The following LRBA variants were observed in gnomAD, a reference collection of about 807,000 sequenced individuals.
The protein encoded by LRBA is LPS responsive beige-like anchor protein.
A neutral mutation model predicts 330.0 loss-of-function variants in LRBA; 176 were observed. The observed-to-expected ratio is 0.53, with a 90% confidence interval of 0.47 to 0.60. LRBA has a LOEUF of 0.60. Among genes scored for constraint, LRBA ranks in the 20% least tolerant of loss-of-function variants. The probability of loss-of-function intolerance (pLI) is 0.00; values close to 1 mark genes in which losing one functional copy is unlikely to be tolerated. For synonymous variants in LRBA, 1,230 were observed against 1,193.0 expected, an observed-to-expected ratio of 1.03 and a Z score of -0.64; for missense variants, 3,259 against 3,444.8, an observed-to-expected ratio of 0.95 and a Z score of 1.35.
At chr4:150,930,669 T>C (rs540289123) in intron 2 of LRBA, among the ~76,000 whole-genome samples, 16 of 152,158 alleles carry the variant, frequency 1.1e-4, no homozygotes, top group Middle Eastern at 3.4e-3. Context: ...TACACAGGCA[T>C]GAGACTGAAA....
intron 2 of LRBA, among the ~76,000 whole-genome samples, chr4:150,994,971 G>A (rs562755963): frequency 1.3e-5 from 2 of 152,226 alleles, no homozygotes; most frequent in East Asian, 3.9e-4. Context: ...CTGGTGAGAA[G>A]GACATAAAGG....
At chr4:150,828,925 GTGTGTGTGTGTGTGT>G (rs1746718528) in intron 29 of LRBA, among the ~76,000 whole-genome samples, 2 of 107,968 alleles carry the variant, frequency 1.9e-5, no homozygotes, top group African/African-American at 5.2e-5. Flanking sequence ...TTTTGGGGGT[GTGTGTGTGTGTGTGT>G]GTGTGTGTGT....
rs1561234835 is a variant in LRBA, at chr4:150,479,637, T to C, written c.6552-7898A>G. ...GAGGTGGAGCTTAATTCCCCTCCCCTGGACTTTGGGCTGTATTTAGTGACC... is the reference window on the plus strand; with the variant it reads ...GAGGTGGAGCTTAATTCCCCTCCCCCGGACTTTGGGCTGTATTTAGTGACC... On this transcript the variant is annotated intron_variant, in intron 42 of 56. Coordinates refer to ENST00000651943, the MANE Select transcript of LRBA (RefSeq NM_001364905.1). Among the ~76,000 whole-genome samples, 3 of 152,308 alleles carry C rather than the reference T, an allele frequency of 2.0e-5. No homozygotes were observed. The South Asian group carries it at 6.2e-4, about 32-fold the overall frequency.
intron 53 of LRBA, among the ~76,000 whole-genome samples, chr4:150,296,747 T>A (rs535126731): frequency 2.2e-4 from 34 of 152,088 alleles, no homozygotes; most frequent in Non-Finnish European, 4.0e-4. Flanking sequence ...ATATCTAGAG[T>A]AAAATGTGAG....
intron 48 of LRBA, among the ~76,000 whole-genome samples, chr4:150,338,963 TTA>T (rs984807164): frequency 6.9e-5 from 3 of 43,422 alleles, no homozygotes; most frequent in Admixed American, 2.7e-4. Flanking sequence ...AACTATTTAA[TTA>T]TACACACACA....
At chr4:150,962,558 T>C (rs1401233282) in intron 2 of LRBA, among the ~76,000 whole-genome samples, 2 of 149,090 alleles carry the variant, frequency 1.3e-5, no homozygotes, top group Non-Finnish European at 2.9e-5. Flanking sequence ...CAGGAAAGCA[T>C]AGAACTTTAA....
intron 54 of LRBA, among the ~76,000 whole-genome samples, chr4:150,283,967 G>T (rs566844488): frequency 2.4e-4 from 37 of 152,274 alleles, no homozygotes; most frequent in African/African-American, 8.2e-4. Flanking sequence ...ATAAAGCCAT[G>T]TAACATTTCA....
chr4:150,715,183 GA>G (rs1047533703), intron 36 of LRBA, among the ~76,000 whole-genome samples: 4 of 152,024 alleles, frequency 2.6e-5, no homozygotes, highest in African/African-American at 9.7e-5. Context: ...ACCTCGTATT[GA>G]AAGACCTAAG....
At chr4:150,741,159 A>T (rs936008178) in intron 35 of LRBA, among the ~76,000 whole-genome samples, 6 of 152,164 alleles carry the variant, frequency 3.9e-5, no homozygotes, top group African/African-American at 4.8e-5. Flanking sequence ...AAAAATAGTG[A>T]CAAAATGAAC....
rs1176057136 is a variant in LRBA at position 150,601,122 on chromosome 4, T to C, written c.5922-1991A>G. On this transcript the variant is annotated intron_variant, in intron 37 of 56. Transcript: ENST00000651943. ...ACGATGTAAAGCTAATGAAAGCTGCTCAAATTTGTTAACCTTTTCTGCCAT... is the reference window on the plus strand; with the variant it reads ...ACGATGTAAAGCTAATGAAAGCTGCCCAAATTTGTTAACCTTTTCTGCCAT... Among the ~76,000 whole-genome samples the C allele has an allele frequency of 2.6e-5, 4 of 152,346 alleles. No individual in the cohort carries two copies. The South Asian group carries it at 8.3e-4, about 32-fold the overall frequency.
At chr4:150,982,011 T>G (rs908834022) in intron 2 of LRBA, among the ~76,000 whole-genome samples, 1 of 151,564 alleles carries the variant, frequency 6.6e-6, no homozygotes, top group Non-Finnish European at 1.5e-5. Flanking sequence ...ATAAATAATG[T>G]TTTCTGTTTC....
intron 47 of LRBA, among the ~76,000 whole-genome samples, chr4:150,391,214 C>G (rs1277009076): frequency 1.3e-5 from 2 of 152,106 alleles, no homozygotes; most frequent in Non-Finnish European, 2.9e-5. Context: ...AACAGCAAAC[C>G]CTGAATGATG....
chr4:150,315,574 G>C lies in LRBA; in HGVS notation c.7680C>G (p.Ile2560Met). The change falls in exon 51 of 57, where the codon ATC (isoleucine) becomes ATG (methionine). Residue 2560 changes from isoleucine (I) to methionine (M), a missense_variant. Transcript: ENST00000651943. ...GAAGTGACAGACCTATGAGAGGATC[G>C]ATTTCCACTGGCAGCTGGTATGGCT... Reference protein sequence around the residue: ...QDQPYQLPVEIDPLIASNTGM... With the variant: ...QDQPYQLPVEMDPLIASNTGM... 5.6e-6 allele frequency: 9 copies of C among 1,612,164 alleles called. 1 individual carries two copies. In the South Asian group the frequency reaches 9.9e-5, roughly 18 times the overall value.
intron 2 of LRBA, among the ~76,000 whole-genome samples, chr4:150,961,061 G>A (rs1561060787): frequency 6.7e-6 from 1 of 148,942 alleles, no homozygotes; most frequent in Non-Finnish European, 1.5e-5. Context: ...ACTGCATCCT[G>A]ATGGTGATGG....
chr4:150,577,753 G>C (rs1581722541), intron 40 of LRBA, among the ~76,000 whole-genome samples: 1 of 151,944 alleles, frequency 6.6e-6, no homozygotes, highest in Non-Finnish European at 1.5e-5. Flanking sequence ...TTTAAGTCTC[G>C]TTAACATGAT....
At chr4:151,004,977 C>T (rs141074509) in intron 2 of LRBA, among the ~76,000 whole-genome samples, 4 of 151,404 alleles carry the variant, frequency 2.6e-5, no homozygotes, top group African/African-American at 7.3e-5. Context: ...GGCGACAGAG[C>T]GAGACTTCGA....
chr4:150,345,150 A>G lies in LRBA; in HGVS notation c.7362+4842T>C, dbSNP rs567593343. 1.8e-3 allele frequency among the ~76,000 whole-genome samples: 277 copies of G among 152,278 alleles called. 12 individuals carry two copies. The South Asian group carries it at 0.055, about 30-fold the overall frequency. On this transcript the variant is annotated intron_variant, in intron 48 of 56. Transcript: ENST00000651943. ...CCTATGCTTGTGCATACATACTTACATATATTTATCTCTGTACTGAATTTA... is the reference window on the plus strand; with the variant it reads ...CCTATGCTTGTGCATACATACTTACGTATATTTATCTCTGTACTGAATTTA...
chr4:150,381,082 C>T (rs1223875541), intron 47 of LRBA, among the ~76,000 whole-genome samples: 1 of 150,622 alleles, frequency 6.6e-6, no homozygotes, highest in Non-Finnish European at 1.5e-5. Context: ...TTTAAGTGGT[C>T]TCTCCATAAA....
At chr4:150,654,424 C>A (rs949853618) in intron 37 of LRBA, among the ~76,000 whole-genome samples, 24 of 152,104 alleles carry the variant, frequency 1.6e-4, no homozygotes, top group Admixed American at 4.6e-4. Flanking sequence ...CATGACCTCA[C>A]GCGATCCACC....
Sources: gnomAD v4.1 joint callset for allele counts (sites outside exome capture counted in the v4.1 genomes callset) on GRCh38, gnomAD v4.1.1 for gene constraint, MANE v1.5 for transcripts, NCBI Gene and HGNC (gene_info 2026-07-23, HGNC 2026-07-21) for gene names.